Variants in CNTNAP3 observed in about 807,000 individuals in gnomAD.
CNTNAP3 encodes the protein contactin associated protein family member 3.
Under a neutral mutation model 92.1 loss-of-function variants are expected in CNTNAP3, and 36 were observed. The observed-to-expected ratio is 0.39, with a 90% CI of 0.30 to 0.52. The LOEUF is 0.52. Ranked by LOEUF, CNTNAP3 falls within the 20% of genes least tolerant of loss-of-function variation. The probability of loss-of-function intolerance (pLI) is 0.76; values close to 1 mark genes in which losing one functional copy is unlikely to be tolerated. For missense variants in CNTNAP3, 534 were observed against 1,069.6 expected (o/e 0.50, Z 6.98); for synonymous variants, 232 against 422.3 (o/e 0.55, Z 5.53).
chr9:39,109,535 C>T (rs2250924), intron 14 of CNTNAP3, among the ~76,000 whole-genome samples: 4 of 152,162 alleles, frequency 2.6e-5, no homozygotes, highest in Non-Finnish European at 4.4e-5. Context: ...AGCAACTACT[C>T]AACTCTGCCA....
chr9:39,159,583 C>G (rs904017181), intron 9 of CNTNAP3: 1 of 140,284 alleles, frequency 7.1e-6, no homozygotes, highest in Non-Finnish European at 1.5e-5. Flanking sequence ...CCGCCGGCCT[C>G]AGCCTCCCAG....
chr9:39,114,053 CACAT>C (rs1157932633), intron 14 of CNTNAP3, among the ~76,000 whole-genome samples: 1 of 147,838 alleles, frequency 6.8e-6, no homozygotes. Context: ...CACACACACA[CACAT>C]ATATATATAT....
intron 15 of CNTNAP3, among the ~76,000 whole-genome samples, chr9:39,105,372 A>C (rs1414750346): frequency 6.6e-6 from 1 of 152,176 alleles, no homozygotes; most frequent in African/African-American, 2.4e-5. Flanking sequence ...GCTTGCAGTG[A>C]GGTGAGATCA....
intron 18 of CNTNAP3, among the ~76,000 whole-genome samples, chr9:39,093,657 A>G (rs1826262314): frequency 6.6e-6 from 1 of 151,484 alleles, no homozygotes; most frequent in African/African-American, 2.4e-5. Flanking sequence ...CACTTAGCAT[A>G]ATGTCTTCTA....
intron 13 of CNTNAP3, among the ~76,000 whole-genome samples, chr9:39,120,814 G>GA (rs934690726): frequency 6.6e-6 from 1 of 151,940 alleles, no homozygotes; most frequent in Admixed American, 6.5e-5. Context: ...GGAACATCAG[G>GA]AAAAAAATGA....
Position 39,122,625 on chromosome 9 carries a change from A to T in CNTNAP3, c.2081-4366T>A, listed in dbSNP as rs1821057582. Among the ~76,000 whole-genome samples the T allele has an allele frequency of 1.3e-5, 2 of 152,216 alleles. 1 individual carries two copies. Among genetic ancestry groups the T allele is most frequent in the South Asian group, 4.1e-4 (2 of 4,834 alleles). On this transcript the variant is annotated intron_variant, in intron 13 of 23. Transcript: ENST00000297668. Reference sequence around the variant, plus strand: ...CAAATTCAGCCTAACTACTAACTAGATAAACATAAAACCTTACATTAAAGG... The same window carrying T: ...CAAATTCAGCCTAACTACTAACTAGTTAAACATAAAACCTTACATTAAAGG...
rs555981647 is a variant in CNTNAP3 at position 39,131,861 on chromosome 9, T to C, written c.2080+1071A>G. Among the ~76,000 whole-genome samples the C allele has an allele frequency of 6.3e-3, 942 of 149,852 alleles. 18 individuals carry two copies. Among genetic ancestry groups the C allele is most frequent in the African/African-American group, 0.018 (738 of 39,962 alleles). On this transcript the variant is annotated intron_variant, in intron 13 of 23. Coordinates refer to ENST00000297668, the MANE Select transcript of CNTNAP3 (RefSeq NM_033655.5). The stretch of plus-strand genomic sequence containing the variant: ...TGGTCTGGCATATTCCAGGGGCTGA[T>C]TGGCCAGACAGATTAGGGAAGGCAA...
chr9:39,127,316 C>T (rs1563886169), intron 13 of CNTNAP3, among the ~76,000 whole-genome samples: 1 of 151,824 alleles, frequency 6.6e-6, no homozygotes, highest in African/African-American at 2.4e-5. Flanking sequence ...GCACTAAATG[C>T]CTACATTAGG....
rs4062728 is a variant in CNTNAP3 at position 39,069,021 on chromosome 9, C to CATATAT, written c.*4863_*4868dup. On this transcript the variant is annotated 3_prime_UTR_variant, in exon 24 of 24. Coordinates refer to ENST00000297668, the MANE Select transcript of CNTNAP3 (RefSeq NM_033655.5). ...ATATGTAAGTATAAACACACATACA[C>CATATAT]ATATATATATGTATGTATATAACAC... 2.9e-4 allele frequency among the ~76,000 whole-genome samples: 43 copies of CATATAT among 149,988 alleles called. No individual in the cohort carries two copies. Among genetic ancestry groups the CATATAT allele is most frequent in the Non-Finnish European group, 1.5e-4 (10 of 67,118 alleles).
At chr9:39,107,684 T>C (rs944452214) in intron 15 of CNTNAP3, among the ~76,000 whole-genome samples, 3 of 152,176 alleles carry the variant, frequency 2.0e-5, no homozygotes, top group Middle Eastern at 3.4e-3. Flanking sequence ...AGAATAATCA[T>C]ATTGAATGCA....
In CNTNAP3 at chr9:39,065,906, T is replaced by A. The variant is rs1460094377; in HGVS notation, c.*7984A>T. On this transcript the variant is annotated 3_prime_UTR_variant, in exon 24 of 24. Coordinates refer to ENST00000297668, the MANE Select transcript of CNTNAP3 (RefSeq NM_033655.5). The stretch of plus-strand genomic sequence containing the variant: ...GTTGCAAATATTTTCTCCCAGTCTG[T>A]AGCTTGACTCTTATTCTCTTAACAA... Among the ~76,000 whole-genome samples the A allele has an allele frequency of 1.6e-4, 25 of 152,336 alleles. 1 individual carries two copies. Among genetic ancestry groups the A allele is most frequent in the African/African-American group, 5.8e-4 (24 of 41,584 alleles).
chr9:39,099,746 A>G, intron 18 of CNTNAP3, 165 bp downstream of exon 18: 7 of 833,530 alleles, frequency 8.4e-6, no homozygotes, highest in Non-Finnish European at 1.1e-5. Context: ...TTTCAAAAAC[A>G]GTCATATCCC....
rs200606454 is a variant in CNTNAP3 at position 39,077,559 on chromosome 9, A to AAAACAAACAAAC, written c.3745+814_3745+825dup. 2.3e-3 allele frequency among the ~76,000 whole-genome samples: 337 copies of AAAACAAACAAAC among 147,620 alleles called. 5 individuals carry two copies. Among genetic ancestry groups the AAAACAAACAAAC allele is most frequent in the Admixed American group, 3.0e-3 (44 of 14,890 alleles). ...GCGACACAGCGAGACTCTGTCTCAA[A>AAAACAAACAAAC]AAACAAACAAACAAACAAACAAACA... On this transcript the variant is annotated intron_variant, in intron 23 of 23. Transcript: ENST00000297668.
Position 39,067,049 on chromosome 9 carries a change from TTCTG to T in CNTNAP3, c.*6837_*6840del, listed in dbSNP as rs1003949977. On this transcript the variant is annotated 3_prime_UTR_variant, in exon 24 of 24. Transcript: ENST00000297668. ...ATACTCTGATTATTCTTTGTTTTTT[TTCTG>T]TCTCTGTTTCATTTTGGATGCTTTC... is the stretch of plus-strand genomic sequence containing the variant. Among the ~76,000 whole-genome samples, 1 of 152,294 alleles carries T rather than the reference TTCTG, an allele frequency of 6.6e-6. No individual in the cohort carries two copies. The highest frequency in any genetic ancestry group is 2.4e-5 in the African/African-American group (1 of 41,486).
chr9:39,135,129 C>T (rs543834693), intron 12 of CNTNAP3, among the ~76,000 whole-genome samples: 1 of 152,258 alleles, frequency 6.6e-6, no homozygotes, highest in African/African-American at 2.4e-5. Flanking sequence ...CTCACTTCTC[C>T]TTATAATATC....
At chr9:39,124,034 GTCT>G (rs1821099173) in intron 13 of CNTNAP3, among the ~76,000 whole-genome samples, 1 of 152,030 alleles carries the variant, frequency 6.6e-6, no homozygotes. Flanking sequence ...AAAATCTAGT[GTCT>G]TCTTCTTAAT....
At chr9:39,096,753 G>A (rs1397792894) in intron 18 of CNTNAP3, among the ~76,000 whole-genome samples, 2 of 151,714 alleles carry the variant, frequency 1.3e-5, no homozygotes, top group African/African-American at 4.8e-5. Flanking sequence ...GAAGGTAGCT[G>A]TTGATCCTGG....
intron 21 of CNTNAP3, among the ~76,000 whole-genome samples, chr9:39,081,914 T>A (rs370804032): frequency 0.23 from 30,777 of 133,718 alleles, 3,512 homozygotes; most frequent in East Asian, 0.37. Context: ...CCATCTCTAC[T>A]AAAAATACAA....
intron 18 of CNTNAP3, among the ~76,000 whole-genome samples, chr9:39,093,040 G>A (rs933999496): frequency 7.1e-6 from 1 of 141,422 alleles, no homozygotes; most frequent in Non-Finnish European, 1.6e-5. Context: ...GGCTCTCTAG[G>A]GTTACTCTTT....
Sources: gnomAD v4.1 joint callset for allele counts (sites outside exome capture counted in the v4.1 genomes callset) on GRCh38, gnomAD v4.1.1 for gene constraint, MANE v1.5 for transcripts, NCBI Gene and HGNC (gene_info 2026-07-23, HGNC 2026-07-21) for gene names.